SLC12A1: variants seen among roughly 807,000 people sequenced by gnomAD.
SLC12A1 encodes the protein Na-K-2Cl cotransporter.
Under a neutral mutation model 130.4 loss-of-function variants are expected in SLC12A1, and 89 were observed. The observed-to-expected ratio is 0.68, with a 90% confidence interval of 0.58 to 0.81. The LOEUF is 0.81. SLC12A1 is among the 40% of genes least tolerant of loss of function. SLC12A1 has a pLI of 0.00. For missense variants in SLC12A1, 1,310 were observed against 1,336.4 expected, an observed-to-expected ratio of 0.98 and a Z score of 0.31; for synonymous variants, 499 against 460.0, an observed-to-expected ratio of 1.08 and a Z score of -1.09.
intron 26 of SLC12A1, among the ~76,000 whole-genome samples, chr15:48,302,077 G>A (rs538725560): frequency 6.6e-6 from 1 of 152,084 alleles, no homozygotes; most frequent in East Asian, 1.9e-4. Flanking sequence ...TCCAATAGAT[G>A]GTTTCTGAGG....
chr15:48,207,666 A>AT lies in SLC12A1; in HGVS notation c.-48dup, dbSNP rs2140999004. On this transcript the variant is annotated 5_prime_UTR_variant, in exon 2 of 27. An upstream open reading frame in the 5' UTR gains an earlier in-frame stop. Transcript: ENST00000380993. ...TTTATTTTGATGAAGAAATATATAG[A>AT]TTTTTTAAAACAACCACAAAGTAGA... 7.0e-7 allele frequency: 1 copy of AT among 1,427,908 alleles called. No homozygotes were observed. The highest frequency in any genetic ancestry group is 1.4e-5 in the African/African-American group (1 of 69,826). The allele number at this position is 1,427,908 out of a possible 1,614,324, so 88.5% of individuals were successfully genotyped here.
At chr15:48,247,788 G>A (rs1346367436) in intron 13 of SLC12A1, among the ~76,000 whole-genome samples, 1 of 152,210 alleles carries the variant, frequency 6.6e-6, no homozygotes, top group African/African-American at 2.4e-5. Context: ...ATGGCTAGCA[G>A]AATTGAATTG....
chr15:48,215,667 A>T (rs2041112765), intron 2 of SLC12A1, among the ~76,000 whole-genome samples: 1 of 152,218 alleles, frequency 6.6e-6, no homozygotes. Context: ...AGTCATGTTC[A>T]GTACTTTGAT....
At chr15:48,247,868 G>T (rs542814451) in intron 13 of SLC12A1, among the ~76,000 whole-genome samples, 3 of 152,316 alleles carry the variant, frequency 2.0e-5, no homozygotes, top group African/African-American at 4.8e-5. Flanking sequence ...GTTTGGGAAA[G>T]TGTGGAGACT....
chr15:48,225,590 A>G (rs1229859323), intron 4 of SLC12A1: 3 of 152,174 alleles, frequency 2.0e-5, no homozygotes. Context: ...GATGGGGTGC[A>G]CATTAAATTT....
At chr15:48,285,608 C>T (rs2042048626) in intron 21 of SLC12A1, among the ~76,000 whole-genome samples, 2 of 152,190 alleles carry the variant, frequency 1.3e-5, no homozygotes, top group Admixed American at 1.3e-4. Context: ...CACAGACACC[C>T]TTACCTTTCA....
chr15:48,225,803 A>G (rs1022603956), intron 4 of SLC12A1: 8 of 597,480 alleles, frequency 1.3e-5, no homozygotes, highest in East Asian at 2.8e-4. Flanking sequence ...AAATGATCCA[A>G]TGAATTCTTC....
At position 48,256,832 on chromosome 15, in the gene SLC12A1, C is replaced by CG. The variant is rs898365422; in HGVS notation, c.2042+922_2042+923insG. ...ATCATTCCATCCCTGGCCCCCCCCC[C>CG]CAAATTTCTTGTCCTCACATTTCAA... On this transcript the variant is annotated intron_variant, in intron 16 of 26. Transcript: ENST00000380993. Among the ~76,000 whole-genome samples, 16 of 148,180 alleles carry CG rather than the reference C, an allele frequency of 1.1e-4. No homozygotes were observed. In the East Asian group the frequency reaches 1.2e-3, roughly 11 times the overall value.
chr15:48,276,143 C>A (rs1035916213), intron 20 of SLC12A1, among the ~76,000 whole-genome samples: 8 of 152,120 alleles, frequency 5.3e-5, no homozygotes, highest in African/African-American at 1.7e-4. Context: ...AACTCCCTGG[C>A]TGACTGGATG....
intron 18 of SLC12A1, 67 bp from the exon 19 acceptor site, chr15:48,269,591 T>C (rs569210041): frequency 1.2e-6 from 1 of 812,544 alleles, no homozygotes; most frequent in Non-Finnish European, 2.1e-6. Flanking sequence ...TAGACATTAT[T>C]TTTCATTTGT....
rs777865074 is a variant in SLC12A1, at chr15:48,220,696, T to G, written c.483T>G (p.Asp161Glu). The G allele has an allele frequency of 3.7e-6, 6 of 1,613,846 alleles. No individual in the cohort carries two copies. The Admixed American group carries it at 1.0e-4, about 27-fold the overall frequency. Residue 161 changes from aspartate (D) to glutamate (E), a missense_variant, in exon 3 of 27, where the codon GAT (aspartate) becomes GAG (glutamate). Physicochemically the swap from Asp to Glu is conservative, Grantham distance 45. Coordinates refer to ENST00000380993, the MANE Select transcript of SLC12A1 (RefSeq NM_000338.3). ...RVANGDGIPG[D>E]EQAENKEDDQ... ...CTAACGGTGATGGGATACCTGGAGA[T>G]GAACAAGCTGAAAATAAGGAAGATG...
Position 48,301,299 on chromosome 15 carries a change from T to C in SLC12A1, c.3097-16T>C. 1.3e-6 allele frequency: 2 copies of C among 1,582,782 alleles called. No homozygotes were observed. The highest frequency in any genetic ancestry group is 1.7e-6 in the Non-Finnish European group (2 of 1,159,382). ...CTGGTAGAACTGTACTCAACAAATC[T>C]GAATGTTGCCCACAGAGTTACCGCC... On this transcript the variant is annotated splice_polypyrimidine_tract_variant and intron_variant, in intron 25 of 26. Transcript: ENST00000380993.
chr15:48,263,546 A>G (rs1476607279), intron 17 of SLC12A1, among the ~76,000 whole-genome samples: 1 of 152,220 alleles, frequency 6.6e-6, no homozygotes, highest in Non-Finnish European at 1.5e-5. Context: ...ATGGCTCACT[A>G]TATAAAATTA....
chr15:48,241,385 G>A, intron 9 of SLC12A1, 130 bp from the exon 10 acceptor site: 1 of 736,592 alleles, frequency 1.4e-6, no homozygotes, highest in Admixed American at 1.9e-5. Flanking sequence ...CTTGCTGTTT[G>A]CTTGATCTTT....
At chr15:48,219,141 A>G (rs958160151) in intron 2 of SLC12A1, among the ~76,000 whole-genome samples, 6 of 152,242 alleles carry the variant, frequency 3.9e-5, no homozygotes, top group African/African-American at 1.4e-4. Flanking sequence ...ATTCTCAGGC[A>G]AAGGCATAAC....
At position 48,259,220 on chromosome 15, in the gene SLC12A1, CA is replaced by C. The variant is rs765693981; in HGVS notation, c.2064del (p.Gly690AspfsTer3). ...TCCAGGCCCCAGTGCATTGTCTTAACAGGGGGACCCATGACAAGACCTGCTC... is the reference window on the plus strand; with the variant it reads ...TCCAGGCCCCAGTGCATTGTCTTAACGGGGGACCCATGACAAGACCTGCTC... The part of the protein sequence containing the change: ...KNFRPQCIVL[T>X]GGPMTRPALL... On this transcript the variant is annotated frameshift_variant, in exon 17 of 27. Transcript: ENST00000380993. LOFTEE classifies it high-confidence loss of function. 1 of 1,613,046 alleles carries C rather than the reference CA, an allele frequency of 6.2e-7. No individual in the cohort carries two copies. The highest frequency in any genetic ancestry group is 8.5e-7 in the Non-Finnish European group (1 of 1,179,128).
rs116703175 is a variant in SLC12A1 at position 48,219,258 on chromosome 15, T to C, written c.421-1376T>C. Among the ~76,000 whole-genome samples, 1,163 of 152,294 alleles carry C rather than the reference T, an allele frequency of 7.6e-3. 15 individuals are homozygous for C. The highest frequency in any genetic ancestry group is 0.027 in the African/African-American group (1,123 of 41,560). On this transcript the variant is annotated intron_variant, in intron 2 of 26. Coordinates refer to ENST00000380993, the MANE Select transcript of SLC12A1 (RefSeq NM_000338.3). ...TTATTGTTTTGTTTTCTTAGAAAAC[T>C]TGTCGGCCGGGTGTGGTGGCTCATG...
Position 48,288,145 on chromosome 15 carries a change from T to C in SLC12A1, c.2732T>C (p.Ile911Thr), listed in dbSNP as rs747573589. ...QFKKKQEKGT[I>T]DVWWLFDDGG... is the part of the protein sequence containing the mutation. ...AAAAAGAAACAAGAAAAAGGCACAA[T>C]TGATGTTTGGTGGTTGTTTGATGAT... Residue 911 changes from isoleucine to threonine, a missense_variant, in exon 22 of 27, where the codon ATT (isoleucine) becomes ACT (threonine). Transcript: ENST00000380993. 19 of 1,609,838 alleles carry C rather than the reference T, an allele frequency of 1.2e-5. No homozygotes were observed. In the African/African-American group the frequency reaches 1.2e-4, roughly 10 times the overall value.
chr15:48,257,514 C>T (rs2141073140), intron 16 of SLC12A1, among the ~76,000 whole-genome samples: 1 of 152,320 alleles, frequency 6.6e-6, no homozygotes, highest in South Asian at 2.1e-4. Context: ...CATCCTCTGA[C>T]ATCTAGGAGG....
Sources: allele counts gnomAD v4.1 joint callset (sites outside exome capture counted in the v4.1 genomes callset), GRCh38; gene constraint gnomAD v4.1.1; transcripts MANE v1.5; gene names NCBI Gene and HGNC (gene_info 2026-07-23, HGNC 2026-07-21).